Variants in RBFOX1 observed in about 807,000 individuals in gnomAD.
RBFOX1 encodes the protein RNA binding protein fox-1 homolog 1.
In RBFOX1, 8 loss-of-function variants were observed where a neutral mutation model predicts 57.7. The observed-to-expected ratio is 0.14, with a 90% CI of 0.08 to 0.25. RBFOX1 has a LOEUF of 0.25. Among genes scored for constraint, RBFOX1 ranks in the 10% least tolerant of loss-of-function variants. RBFOX1 has a pLI of 1.00. For synonymous variants in RBFOX1, 326 were observed against 222.4 expected (o/e 1.47, Z -4.15); for missense variants, 611 against 548.5 (o/e 1.11, Z -1.14).
intron 3 of RBFOX1, among the ~76,000 whole-genome samples, chr16:5,771,705 C>T (rs374120748): frequency 2.0e-5 from 3 of 152,168 alleles, no homozygotes; most frequent in African/African-American, 7.2e-5. Flanking sequence ...TACCACACCC[C>T]ACCAAAAGCA....
chr16:7,033,511 C>G (rs372372440), intron 3 of RBFOX1, among the ~76,000 whole-genome samples: 64 of 152,282 alleles, frequency 4.2e-4, no homozygotes, highest in African/African-American at 1.4e-3. Flanking sequence ...TAGAGGGAGA[C>G]TCAGTCTCAA....
At chr16:6,836,719 T>C (rs2093125606) in intron 3 of RBFOX1, among the ~76,000 whole-genome samples, 1 of 152,222 alleles carries the variant, frequency 6.6e-6, no homozygotes, top group Non-Finnish European at 1.5e-5. Flanking sequence ...CTTGCTACAA[T>C]AACATAGTTC....
chr16:6,205,328 A>G (rs1305749618), intron 1 of RBFOX1, among the ~76,000 whole-genome samples: 1 of 152,182 alleles, frequency 6.6e-6, no homozygotes, highest in Non-Finnish European at 1.5e-5. Context: ...GCTGGTTGCA[A>G]TTTGGTATTA....
chr16:6,668,849 C>G (rs1410110831), intron 3 of RBFOX1, among the ~76,000 whole-genome samples: 2 of 152,086 alleles, frequency 1.3e-5, no homozygotes, highest in African/African-American at 2.4e-5. Flanking sequence ...AAACTTCTTT[C>G]TTTAAACTCT....
At chr16:6,731,271 A>C (rs1420461228) in intron 3 of RBFOX1, among the ~76,000 whole-genome samples, 1 of 152,170 alleles carries the variant, frequency 6.6e-6, no homozygotes, top group African/African-American at 2.4e-5. Context: ...TGGGAAGTAG[A>C]GTTCTGCACA....
At chr16:5,967,869 G>A (rs1368554011) in intron 4 of RBFOX1, among the ~76,000 whole-genome samples, 2 of 152,106 alleles carry the variant, frequency 1.3e-5, no homozygotes, top group Non-Finnish European at 2.9e-5. Flanking sequence ...TTTGGGGACT[G>A]GCTGTTTTGT....
rs1331431988 is a variant in RBFOX1 at position 7,709,151 on chromosome 16, T to C, written c.1071+20T>C. 1.3e-6 allele frequency: 2 copies of C among 1,590,036 alleles called. No homozygotes were observed. Among genetic ancestry groups the C allele is most frequent in the South Asian group, 2.2e-5 (2 of 90,302 alleles). ...GCCATGGTGAGTACAAGTTTCTCCT[T>C]GTCCTCACTTCCTCCTGCCTCCCTT... On this transcript the variant is annotated intron_variant, in intron 15 of 15. Transcript: ENST00000550418.
chr16:7,435,119 T>G (rs987863171), intron 4 of RBFOX1, among the ~76,000 whole-genome samples: 26 of 152,340 alleles, frequency 1.7e-4, no homozygotes, highest in Admixed American at 1.4e-3. Flanking sequence ...TATTCAGATT[T>G]CCTTAGTTTT....
chr16:6,334,455 C>T (rs968437166), intron 2 of RBFOX1, among the ~76,000 whole-genome samples: 1 of 144,756 alleles, frequency 6.9e-6, no homozygotes, highest in Non-Finnish European at 1.5e-5. Flanking sequence ...TTGCAGTGAG[C>T]CGAGATCATG....
intron 2 of RBFOX1, 91 bp from the exon 3 acceptor site, chr16:6,654,512 G>C: frequency 1.0e-6 from 1 of 989,440 alleles, no homozygotes; most frequent in Non-Finnish European, 1.4e-6. Flanking sequence ...TTATTTTAAA[G>C]GGCATTTCAA....
Position 6,712,765 on chromosome 16 carries a change from C to G in RBFOX1, c.-16+58115C>G, listed in dbSNP as rs7193930. Among the ~76,000 whole-genome samples, 1,436 of 152,120 alleles carry G rather than the reference C, an allele frequency of 9.4e-3. 26 individuals are homozygous for G. Among genetic ancestry groups the G allele is most frequent in the African/African-American group, 0.033 (1,364 of 41,504 alleles). On this transcript the variant is annotated intron_variant, in intron 3 of 15. Coordinates refer to ENST00000550418, the MANE Select transcript of RBFOX1 (RefSeq NM_018723.4). ...GGCAGCTGGACTATAAAATATTCCA[C>G]TTACCAGTTGATATGGTTTGGCTGT... is the stretch of plus-strand genomic sequence containing the variant.
intron 4 of RBFOX1, among the ~76,000 whole-genome samples, chr16:7,466,606 C>A (rs756193176): frequency 2.0e-5 from 3 of 152,198 alleles, no homozygotes; most frequent in Non-Finnish European, 4.4e-5. Flanking sequence ...TGATCTGGAT[C>A]CCAGCTCTGC....
At chr16:6,859,849 A>C (rs1189082400) in intron 3 of RBFOX1, among the ~76,000 whole-genome samples, 2 of 152,170 alleles carry the variant, frequency 1.3e-5, no homozygotes, top group East Asian at 3.8e-4. Context: ...CACACTTTTG[A>C]GTATTCAGAG....
chr16:6,560,737 G>A (rs1178634278), intron 2 of RBFOX1, among the ~76,000 whole-genome samples: 1 of 152,190 alleles, frequency 6.6e-6, no homozygotes, highest in African/African-American at 2.4e-5. Flanking sequence ...GTTTATAGCT[G>A]TGTACTTGTG....
chr16:7,294,372 G>A (rs1347148324), intron 4 of RBFOX1, among the ~76,000 whole-genome samples: 6 of 152,048 alleles, frequency 3.9e-5, no homozygotes, highest in African/African-American at 1.4e-4. Flanking sequence ...AGGAACTGAA[G>A]TTACTTGCTT....
chr16:6,323,583 C>T lies in RBFOX1; in HGVS notation c.-64+6526C>T, dbSNP rs145674858. Among the ~76,000 whole-genome samples the T allele has an allele frequency of 9.1e-4, 138 of 152,242 alleles. 1 individual carries two copies. Among genetic ancestry groups the T allele is most frequent in the African/African-American group, 2.9e-3 (121 of 41,548 alleles). The stretch of plus-strand genomic sequence containing the variant: ...TTATTCTTCTGTCATCCATGACTGC[C>T]GGTGGCAACCCCCATACCCCCAATC... On this transcript the variant is annotated intron_variant, in intron 2 of 15. Transcript: ENST00000550418.
intron 3 of RBFOX1, among the ~76,000 whole-genome samples, chr16:5,818,776 C>T (rs548815264): frequency 6.6e-6 from 1 of 152,130 alleles, no homozygotes; most frequent in Non-Finnish European, 1.5e-5. Flanking sequence ...CTAATGTCTC[C>T]CCTGAGCATT....
chr16:6,072,890 G>A (rs115199743), intron 1 of RBFOX1, among the ~76,000 whole-genome samples: 1 of 152,118 alleles, frequency 6.6e-6, no homozygotes, highest in African/African-American at 2.4e-5. Context: ...CTATGATTGT[G>A]GGGATGGTTT....
At chr16:6,980,015 G>T (rs996701672) in intron 3 of RBFOX1, among the ~76,000 whole-genome samples, 1 of 151,866 alleles carries the variant, frequency 6.6e-6, no homozygotes, top group Non-Finnish European at 1.5e-5. Context: ...AGCCTTAATG[G>T]TGTCATTATA....
Sources: gnomAD v4.1 joint callset for allele counts (sites outside exome capture counted in the v4.1 genomes callset) on GRCh38, gnomAD v4.1.1 for gene constraint, MANE v1.5 for transcripts, NCBI Gene and HGNC (gene_info 2026-07-23, HGNC 2026-07-21) for gene names.